ACTR10: variants seen among roughly 807,000 people sequenced by gnomAD.
ACTR10 encodes actin related protein 10, also known as actin-related protein 10.
In ACTR10, 43 loss-of-function variants were observed where a neutral mutation model predicts 56.2. The ratio of observed to expected loss-of-function variants is 0.77; its 90% confidence interval spans 0.60 to 0.99. ACTR10 has a LOEUF of 0.99. Ranked by LOEUF, ACTR10 falls within the 50% of genes least tolerant of loss-of-function variation. The pLI, the probability that ACTR10 is intolerant of heterozygous loss-of-function variation, is 0.00. For missense variants in ACTR10, 466 were observed against 507.8 expected (o/e 0.92, Z 0.79); for synonymous variants, 170 against 176.3 (o/e 0.96, Z 0.28).
rs753775802 is a variant in ACTR10, at chr14:58,200,179, G to T, written c.-39G>T. On this transcript the variant is annotated 5_prime_UTR_variant, in exon 1 of 13. Coordinates refer to ENST00000254286, the MANE Select transcript of ACTR10 (RefSeq NM_018477.3). ...GCGAGCGCCGAGACTTGTTGGCCGC[G>T]GAGACTGCGACCCTCTTCTCTCAGT... The T allele has an allele frequency of 8.3e-6, 12 of 1,447,374 alleles. No homozygotes were observed. Among genetic ancestry groups the T allele is most frequent in the Admixed American group, 4.4e-5 (2 of 45,424 alleles). 89.7% of individuals were successfully genotyped at this position (1,447,374 alleles called of 1,614,324 possible).
chr14:58,224,702 C>T (rs570550735), intron 10 of ACTR10, among the ~76,000 whole-genome samples: 1 of 152,226 alleles, frequency 6.6e-6, no homozygotes, highest in South Asian at 2.1e-4. Flanking sequence ...AAGGACCAGA[C>T]AGTAAATAGC....
chr14:58,211,142 T>C (rs1666592804), intron 4 of ACTR10, 150 bp from the exon 5 acceptor site: 3 of 539,844 alleles, frequency 5.6e-6, no homozygotes, highest in Middle Eastern at 3.2e-4. Context: ...TAGTTCTTAA[T>C]TACTCTCATA....
At chr14:58,228,418 A>G (rs1340834968) in intron 10 of ACTR10, among the ~76,000 whole-genome samples, 2 of 152,122 alleles carry the variant, frequency 1.3e-5, no homozygotes, top group East Asian at 3.9e-4. Context: ...CAGGAGTTCG[A>G]GACCAGCCTG....
At chr14:58,207,586 A>G (rs1287844916) in intron 2 of ACTR10, among the ~76,000 whole-genome samples, 2 of 152,170 alleles carry the variant, frequency 1.3e-5, no homozygotes, top group African/African-American at 2.4e-5. Flanking sequence ...CGGCCTCCCA[A>G]AGTGCTGGGA....
At chr14:58,207,544 C>T (rs967922858) in intron 2 of ACTR10, among the ~76,000 whole-genome samples, 8 of 151,566 alleles carry the variant, frequency 5.3e-5, no homozygotes, top group Non-Finnish European at 7.4e-5. Context: ...AGCCTGGTCT[C>T]GAACTCCTGA....
chr14:58,207,357 G>T (rs1888893137), intron 2 of ACTR10, among the ~76,000 whole-genome samples: 1 of 149,136 alleles, frequency 6.7e-6, no homozygotes, highest in South Asian at 2.1e-4. Context: ...ACGGAATCTG[G>T]TTCTGTTGCC....
At chr14:58,219,454 A>G (rs1889214827) in intron 7 of ACTR10, 1 of 346,444 alleles carries the variant, frequency 2.9e-6, no homozygotes, top group South Asian at 5.2e-5. Context: ...TATTATCACC[A>G]GAAAGATAAA....
Position 58,217,940 on chromosome 14 carries a change from T to C in ACTR10, c.599-1754T>C, listed in dbSNP as rs533717608. On this transcript the variant is annotated intron_variant, in intron 7 of 12. Coordinates refer to ENST00000254286, the MANE Select transcript of ACTR10 (RefSeq NM_018477.3). ...GCTTCTTATTTTCCTAACTGAAATG[T>C]AAGCATTTTTTTTAGAGCCAGAGCC... 8.5e-5 allele frequency among the ~76,000 whole-genome samples: 13 copies of C among 152,342 alleles called. No homozygotes were observed. In the South Asian group the frequency reaches 2.5e-3, roughly 29 times the overall value.
At chr14:58,203,499 C>T (rs1024031068) in intron 2 of ACTR10, among the ~76,000 whole-genome samples, 2 of 152,022 alleles carry the variant, frequency 1.3e-5, no homozygotes, top group Non-Finnish European at 2.9e-5. Context: ...ATCCCTAATA[C>T]CCGTTTACAA....
At chr14:58,208,105 C>CAA (rs34557633) in intron 3 of ACTR10, 87 bp downstream of exon 3, 493 of 917,288 alleles carry the variant, frequency 5.4e-4, no homozygotes, top group South Asian at 9.4e-4. Flanking sequence ...CAGCTGAGGC[C>CAA]AAAAAAAAAA....
chr14:58,204,938 A>C (rs906636951), intron 2 of ACTR10, among the ~76,000 whole-genome samples: 1 of 152,178 alleles, frequency 6.6e-6, no homozygotes. Context: ...TTTTATAAAA[A>C]CACATGTTGG....
chr14:58,201,900 G>A (rs758641070), intron 1 of ACTR10, among the ~76,000 whole-genome samples: 2 of 151,950 alleles, frequency 1.3e-5, no homozygotes, highest in Non-Finnish European at 2.9e-5. Context: ...CACTTTGGGA[G>A]GCCAAGGGGG....
At chr14:58,210,744 G>A (rs57310349) in intron 4 of ACTR10, among the ~76,000 whole-genome samples, 28 of 148,608 alleles carry the variant, frequency 1.9e-4, no homozygotes, top group African/African-American at 6.9e-4. Flanking sequence ...GCGCGATCTC[G>A]GCTCACTGCA....
chr14:58,207,020 ATT>A (rs67404166), intron 2 of ACTR10: 54 of 124,594 alleles, frequency 4.3e-4, no homozygotes, highest in African/African-American at 1.0e-3. Flanking sequence ...TCAATGCTGA[ATT>A]TTTTTTTTTT....
chr14:58,220,612 C>G (rs1475871639), intron 8 of ACTR10, among the ~76,000 whole-genome samples: 1 of 152,092 alleles, frequency 6.6e-6, no homozygotes, highest in Non-Finnish European at 1.5e-5. Flanking sequence ...AGTTGTTGAC[C>G]ATGTGGAGTG....
At position 58,230,443 on chromosome 14, in the gene ACTR10, A is replaced by T. The variant is rs760853512; in HGVS notation, c.833A>T (p.Gln278Leu). The change falls in exon 11 of 13, where the codon CAA (glutamine) becomes CTA (leucine). Residue 278 changes from glutamine to leucine, a missense_variant. By Grantham distance (113) the Gln-to-Leu change is moderately radical. Coordinates refer to ENST00000254286, the MANE Select transcript of ACTR10 (RefSeq NM_018477.3). ...CTTTTTGAACAAGATAATGAAGAGC[A>T]ATCAGTTGCCACTTTAATATTGGAT... is the stretch of plus-strand genomic sequence containing the variant. ...EILFEQDNEE[Q>L]SVATLILDSL... The T allele has an allele frequency of 1.3e-6, 2 of 1,590,216 alleles. No homozygotes were observed.
rs552433044 is a variant in ACTR10 at position 58,234,201 on chromosome 14, A to G, written c.1073-169A>G. Among the ~76,000 whole-genome samples the G allele has an allele frequency of 4.6e-5, 7 of 152,310 alleles. No individual in the cohort carries two copies. The South Asian group carries it at 1.4e-3, about 32-fold the overall frequency. On this transcript the variant is annotated intron_variant, in intron 12 of 12. Coordinates refer to ENST00000254286, the MANE Select transcript of ACTR10 (RefSeq NM_018477.3). Reference sequence around the variant, plus strand: ...GAGTTATGGCTTACCCTGTTATTCAAAATGTAAAATAAAGAATGGCTTAAC... The same window carrying G: ...GAGTTATGGCTTACCCTGTTATTCAGAATGTAAAATAAAGAATGGCTTAAC...
intron 2 of ACTR10, among the ~76,000 whole-genome samples, chr14:58,204,421 G>A (rs748032919): frequency 1.3e-5 from 2 of 151,954 alleles, no homozygotes; most frequent in Admixed American, 6.6e-5. Flanking sequence ...GAGGTGGTGC[G>A]CACCTGTAGT....
chr14:58,207,098 A>ACTGCAACCTCTGCCTCC (rs968288465), intron 2 of ACTR10: 2 of 148,720 alleles, frequency 1.3e-5, no homozygotes, highest in Admixed American at 1.4e-4. Flanking sequence ...ATCTTGGCTC[A>ACTGCAACCTCTGCCTCC]CTGCAACCTC....
Sources: gnomAD v4.1 joint callset for allele counts (sites outside exome capture counted in the v4.1 genomes callset) on GRCh38, gnomAD v4.1.1 for gene constraint, MANE v1.5 for transcripts, NCBI Gene and HGNC (gene_info 2026-07-23, HGNC 2026-07-21) for gene names.